DCC: variants seen among roughly 807,000 people sequenced by gnomAD.
The protein encoded by DCC is DCC netrin 1 receptor.
DCC carries 58 observed loss-of-function variants against 172.5 expected under a neutral mutation model. That is an observed-to-expected ratio of 0.34 (90% CI 0.27 to 0.42). The LOEUF is 0.42. DCC is among the 10% of genes least tolerant of loss of function. DCC has a pLI of 1.00. For synonymous variants in DCC, 709 were observed against 644.5 expected, an observed-to-expected ratio of 1.10 and a Z score of -1.52; for missense variants, 1,740 against 1,791.0, an observed-to-expected ratio of 0.97 and a Z score of 0.51.
At chr18:53,288,666 A>G (rs7505089) in intron 12 of DCC, among the ~76,000 whole-genome samples, 19,574 of 152,090 alleles carry the variant, frequency 0.13, 1,657 homozygotes, top group African/African-American at 0.23. Flanking sequence ...TAGATGCAGA[A>G]CGATTACATA....
chr18:53,457,912 T>A (rs1281190235), intron 23 of DCC, among the ~76,000 whole-genome samples: 2 of 152,126 alleles, frequency 1.3e-5, no homozygotes, highest in East Asian at 1.9e-4. Context: ...AAAAAAAGGA[T>A]GTCAGGGAAA....
intron 27 of DCC, among the ~76,000 whole-genome samples, chr18:53,499,897 C>A (rs1487524912): frequency 6.6e-6 from 1 of 152,144 alleles, no homozygotes; most frequent in African/African-American, 2.4e-5. Flanking sequence ...TAAAAATCTG[C>A]AAAACCACTT....
At chr18:53,046,002 T>A (rs1302430344) in intron 5 of DCC, among the ~76,000 whole-genome samples, 2 of 151,840 alleles carry the variant, frequency 1.3e-5, no homozygotes, top group African/African-American at 4.8e-5. Flanking sequence ...CAAATGCTTT[T>A]TCCATGATTT....
chr18:53,368,484 C>A (rs2058028758), intron 15 of DCC, among the ~76,000 whole-genome samples: 1 of 151,540 alleles, frequency 6.6e-6, no homozygotes, highest in Non-Finnish European at 1.5e-5. Flanking sequence ...TTACTTACCT[C>A]TTCTGTTGGT....
chr18:53,015,978 T>A (rs190889825), intron 5 of DCC, among the ~76,000 whole-genome samples: 1 of 152,270 alleles, frequency 6.6e-6, no homozygotes, highest in East Asian at 1.9e-4. Context: ...TCATTAAGTA[T>A]AAGAATCCAC....
chr18:53,506,286 A>G (rs1324103126), intron 27 of DCC, among the ~76,000 whole-genome samples: 1 of 152,224 alleles, frequency 6.6e-6, no homozygotes, highest in African/African-American at 2.4e-5. Flanking sequence ...ATGAGTTTAG[A>G]CAAACCAGAG....
At chr18:52,539,608 C>A (rs998120543) in intron 1 of DCC, among the ~76,000 whole-genome samples, 1 of 152,186 alleles carries the variant, frequency 6.6e-6, no homozygotes, top group African/African-American at 2.4e-5. Context: ...ACGGTTTCAT[C>A]CTGAATCCAT....
At chr18:52,470,884 CATTA>C (rs1448407320) in intron 1 of DCC, among the ~76,000 whole-genome samples, 1 of 152,150 alleles carries the variant, frequency 6.6e-6, no homozygotes, top group Non-Finnish European at 1.5e-5. Context: ...ACACACTAAA[CATTA>C]AAGAACTGCC....
At chr18:53,266,069 T>C (rs2056669987) in intron 12 of DCC, among the ~76,000 whole-genome samples, 1 of 152,180 alleles carries the variant, frequency 6.6e-6, no homozygotes, top group African/African-American at 2.4e-5. Context: ...GGGGTCTTCC[T>C]CACTTCTTCC....
chr18:52,471,296 GC>G (rs1429782037), intron 1 of DCC, among the ~76,000 whole-genome samples: 1 of 152,122 alleles, frequency 6.6e-6, no homozygotes, highest in African/African-American at 2.4e-5. Flanking sequence ...GCTGCAGTGA[GC>G]CTCCAGCCTG....
At chr18:52,820,075 T>C (rs897896336) in intron 2 of DCC, among the ~76,000 whole-genome samples, 2 of 152,140 alleles carry the variant, frequency 1.3e-5, no homozygotes, top group African/African-American at 4.8e-5. Context: ...GATTGTTGGG[T>C]AAATAATTTC....
At chr18:52,738,911 A>AAAAAG (rs1555654296) in intron 1 of DCC, among the ~76,000 whole-genome samples, 119 of 151,864 alleles carry the variant, frequency 7.8e-4, no homozygotes, top group African/African-American at 2.8e-3. Flanking sequence ...AAAAAAAAAA[A>AAAAAG]AAAAAAAGAA....
At chr18:52,386,768 A>T (rs755084936) in intron 1 of DCC, among the ~76,000 whole-genome samples, 3 of 152,096 alleles carry the variant, frequency 2.0e-5, no homozygotes, top group Non-Finnish European at 4.4e-5. Flanking sequence ...TTTGTTTCCC[A>T]TATATAATTT....
intron 5 of DCC, among the ~76,000 whole-genome samples, chr18:53,049,327 T>C (rs994949366): frequency 6.6e-6 from 1 of 152,128 alleles, no homozygotes; most frequent in African/African-American, 2.4e-5. Flanking sequence ...GGTTTAATAT[T>C]TAAGTCTTTA....
At chr18:52,446,814 C>T (rs1229582150) in intron 1 of DCC, among the ~76,000 whole-genome samples, 2 of 152,198 alleles carry the variant, frequency 1.3e-5, no homozygotes, top group South Asian at 2.1e-4. Context: ...ACTCCTGATC[C>T]CCTTAGTGGT....
In DCC at chr18:53,223,862, C is replaced by A. The variant is rs71368917; in HGVS notation, c.1911+8265C>A. On this transcript the variant is annotated intron_variant, in intron 12 of 28. Transcript: ENST00000442544. Reference sequence around the variant, plus strand: ...ATTCTAGACACACATTCAATGAATACCTAATTATAACTGTAATAATGGCAG... The same window carrying A: ...ATTCTAGACACACATTCAATGAATAACTAATTATAACTGTAATAATGGCAG... 1.5e-3 allele frequency among the ~76,000 whole-genome samples: 235 copies of A among 152,230 alleles called. 2 individuals carry two copies. Among genetic ancestry groups the A allele is most frequent in the South Asian group, 0.012 (58 of 4,822 alleles).
chr18:52,363,212 T>C (rs1045873166), intron 1 of DCC, among the ~76,000 whole-genome samples: 1 of 152,194 alleles, frequency 6.6e-6, no homozygotes, highest in African/African-American at 2.4e-5. Context: ...TTTGTTGGTT[T>C]ACCATCACAT....
At chr18:52,577,002 G>A (rs923277049) in intron 1 of DCC, among the ~76,000 whole-genome samples, 3 of 151,930 alleles carry the variant, frequency 2.0e-5, no homozygotes, top group African/African-American at 7.3e-5. Context: ...TGAACATATG[G>A]TAATTTATCA....
At chr18:53,133,796 T>C (rs914398826) in intron 7 of DCC, among the ~76,000 whole-genome samples, 49 of 152,036 alleles carry the variant, frequency 3.2e-4, no homozygotes, top group Non-Finnish European at 1.9e-4. Context: ...TCAAGAGAAG[T>C]CCAGATAAAA....
Sources: gnomAD v4.1 joint callset for allele counts (sites outside exome capture counted in the v4.1 genomes callset) on GRCh38, gnomAD v4.1.1 for gene constraint, MANE v1.5 for transcripts, NCBI Gene and HGNC (gene_info 2026-07-23, HGNC 2026-07-21) for gene names.